Variants in LMBRD1 observed in about 807,000 individuals in gnomAD.
LMBRD1 encodes the protein lysosomal cobalamin transport escort protein LMBD1.
In LMBRD1, 64 loss-of-function variants were observed where a neutral mutation model predicts 74.8. The observed-to-expected ratio is 0.86, with a 90% CI of 0.70 to 1.05. LMBRD1 has a LOEUF of 1.05. Ranked by LOEUF, LMBRD1 falls within the 50% of genes least tolerant of loss-of-function variation. LMBRD1 has a pLI of 0.00. For synonymous variants in LMBRD1, 204 were observed against 216.3 expected, an observed-to-expected ratio of 0.94 and a Z score of 0.50; for missense variants, 652 against 645.9, an observed-to-expected ratio of 1.01 and a Z score of -0.10.
Position 69,676,477 on chromosome 6 carries a change from G to C in LMBRD1, c.1482C>G (p.Tyr494Ter). Residue 494 changes from tyrosine to a stop codon, truncating the protein, a stop_gained, in exon 15 of 16, where the codon TAC becomes TAG. Transcript: ENST00000649934. LOFTEE classifies it high-confidence loss of function. Reference protein sequence around the residue: ...LHKFWFFSAAYYFGNWAFLGV... With the variant: ...LHKFWFFSAA ...CAAGAAAGGCCCAGTTACCAAAATA[G>C]TAAGCAGCACTGAAGAACCAGAACT... 1 of 1,613,498 alleles carries C rather than the reference G, an allele frequency of 6.2e-7. No homozygotes were observed. Among genetic ancestry groups the C allele is most frequent in the Non-Finnish European group, 8.5e-7 (1 of 1,179,602 alleles).
chr6:69,767,634 A>G (rs1454222746), intron 3 of LMBRD1, among the ~76,000 whole-genome samples: 1 of 151,886 alleles, frequency 6.6e-6, no homozygotes, highest in Non-Finnish European at 1.5e-5. Flanking sequence ...TATACTGAAG[A>G]ATGTTCTCCA....
intron 7 of LMBRD1, among the ~76,000 whole-genome samples, chr6:69,720,093 C>T (rs1462985440): frequency 6.6e-6 from 1 of 152,136 alleles, no homozygotes; most frequent in Non-Finnish European, 1.5e-5. Flanking sequence ...TAATATTCTT[C>T]ACTAAATCTC....
In LMBRD1 at chr6:69,741,880, A is replaced by G. The variant is rs1767112033; in HGVS notation, c.474-3T>C. 1 of 1,548,364 alleles carries G rather than the reference A, an allele frequency of 6.5e-7. No homozygotes were observed. Among genetic ancestry groups the G allele is most frequent in the Non-Finnish European group, 8.9e-7 (1 of 1,121,908 alleles). On this transcript the variant is annotated splice_polypyrimidine_tract_variant and splice_region_variant and intron_variant, in intron 5 of 15. Coordinates refer to ENST00000649934, the MANE Select transcript of LMBRD1 (RefSeq NM_018368.4). ...GAACATTCAATGGAACAAAGGCACT[A>G]CAAAAGAGAAAATAATTGTTTTAAT...
At chr6:69,768,138 C>T (rs1251443785) in intron 3 of LMBRD1, among the ~76,000 whole-genome samples, 1 of 151,876 alleles carries the variant, frequency 6.6e-6, no homozygotes, top group Non-Finnish European at 1.5e-5. Flanking sequence ...TCCACTATGA[C>T]AATCTCATTT....
In LMBRD1 at chr6:69,760,643, T is replaced by A. The variant is rs560429883; in HGVS notation, c.308-8287A>T. Among the ~76,000 whole-genome samples the A allele has an allele frequency of 2.0e-3, 299 of 152,338 alleles. 1 individual carries two copies. Among genetic ancestry groups the A allele is most frequent in the African/African-American group, 7.0e-3 (290 of 41,580 alleles). On this transcript the variant is annotated intron_variant, in intron 3 of 15. Transcript: ENST00000649934. ...TAACCCTGCTTCTGTATTCACGACC[T>A]GTGTAATCTCAGCTTGAGTGTGGGC...
At chr6:69,689,554 C>T (rs1221562033) in intron 14 of LMBRD1, among the ~76,000 whole-genome samples, 1 of 152,046 alleles carries the variant, frequency 6.6e-6, no homozygotes, top group East Asian at 1.9e-4. Flanking sequence ...AGTCCTGAAG[C>T]AAGTCTTTTT....
At chr6:69,796,778 C>T (rs1459408851) in intron 1 of LMBRD1, 35 bp downstream of exon 1, 1 of 1,599,908 alleles carries the variant, frequency 6.3e-7, no homozygotes, top group South Asian at 1.1e-5. Flanking sequence ...CTCCCCCAGT[C>T]CAAACATGGG....
At chr6:69,681,918 G>A (rs1765671056) in intron 14 of LMBRD1, among the ~76,000 whole-genome samples, 1 of 151,910 alleles carries the variant, frequency 6.6e-6, no homozygotes, top group Non-Finnish European at 1.5e-5. Context: ...AATAACAAGA[G>A]TGGAGTACAG....
intron 3 of LMBRD1, among the ~76,000 whole-genome samples, chr6:69,763,223 A>G (rs1020928378): frequency 1.7e-5 from 2 of 118,944 alleles, no homozygotes; most frequent in Non-Finnish European, 3.6e-5. Flanking sequence ...GCTTAGAATA[A>G]AAAGAAAAAA....
In LMBRD1 at chr6:69,676,199, A is replaced by AAGG. The variant is rs1562078573; in HGVS notation, c.1581_1582insCCT (p.Asp527_Ser528insPro). The AAGG allele has an allele frequency of 5.0e-6, 8 of 1,613,490 alleles. No homozygotes were observed. In the South Asian group the frequency reaches 8.8e-5, roughly 18 times the overall value. On this transcript the variant is annotated inframe_insertion, in exon 16 of 16. Transcript: ENST00000649934. ...GAGGGCTCATCATCACTTATGTCTG[A>AAGG]ATCTTCATCTACTCCTTCAATAACC...
chr6:69,755,777 C>T (rs941721883), intron 3 of LMBRD1, among the ~76,000 whole-genome samples: 1 of 152,054 alleles, frequency 6.6e-6, no homozygotes, highest in Non-Finnish European at 1.5e-5. Context: ...GACAGCCTCA[C>T]AACAAAAACT....
chr6:69,759,459 T>TA (rs1381610522), intron 3 of LMBRD1, among the ~76,000 whole-genome samples: 1 of 150,948 alleles, frequency 6.6e-6, no homozygotes, highest in Non-Finnish European at 1.5e-5. Flanking sequence ...AAAATACATT[T>TA]AAAAAACAAA....
At chr6:69,699,290 T>C in intron 12 of LMBRD1, 98 bp from the exon 13 acceptor site, 1 of 1,063,082 alleles carries the variant, frequency 9.4e-7, no homozygotes. Context: ...CACAGTTCAA[T>C]CAACCATTAT....
In LMBRD1 at chr6:69,790,384, G is replaced by GA. The variant is rs1413603306; in HGVS notation, c.157dup (p.Ser53PhefsTer30). The GA allele has an allele frequency of 1.9e-6, 3 of 1,613,696 alleles. No homozygotes were observed. The highest frequency in any genetic ancestry group is 1.3e-5 in the African/African-American group (1 of 75,018). ...TGATGTGATAAGTGCAATTGCTAGA[G>GA]AAAAAATTGCTGTTATGGTGGAGAC... On this transcript the variant is annotated frameshift_variant, in exon 2 of 16. Coordinates refer to ENST00000649934, the MANE Select transcript of LMBRD1 (RefSeq NM_018368.4). LOFTEE classifies it high-confidence loss of function.
chr6:69,704,304 A>C (rs1766200772), intron 9 of LMBRD1, among the ~76,000 whole-genome samples: 1 of 152,010 alleles, frequency 6.6e-6, no homozygotes, highest in African/African-American at 2.4e-5. Flanking sequence ...TTTCTGTGGT[A>C]TTTGTCAAAT....
At chr6:69,782,761 G>A (rs1217476182) in intron 2 of LMBRD1, among the ~76,000 whole-genome samples, 1 of 152,134 alleles carries the variant, frequency 6.6e-6, no homozygotes, top group East Asian at 1.9e-4. Context: ...CACTGTGGGA[G>A]AGTTTCTCTC....
chr6:69,679,221 A>G (rs1040701014), intron 14 of LMBRD1, among the ~76,000 whole-genome samples: 3 of 152,160 alleles, frequency 2.0e-5, no homozygotes, highest in Non-Finnish European at 4.4e-5. Context: ...GAATATTCAC[A>G]GTTTTCTAAG....
intron 4 of LMBRD1, among the ~76,000 whole-genome samples, chr6:69,749,921 C>CTT (rs1406055987): frequency 6.5e-4 from 62 of 95,036 alleles, no homozygotes; most frequent in African/African-American, 3.9e-3. Context: ...AGTATATATA[C>CTT]ACATATACAT....
chr6:69,765,658 CTG>C (rs1447905831), intron 3 of LMBRD1, among the ~76,000 whole-genome samples: 1 of 152,062 alleles, frequency 6.6e-6, no homozygotes, highest in Non-Finnish European at 1.5e-5. Flanking sequence ...TTTTAAAAGT[CTG>C]TGTGACTTTA....
Sources: gnomAD v4.1 joint callset for allele counts (sites outside exome capture counted in the v4.1 genomes callset) on GRCh38, gnomAD v4.1.1 for gene constraint, MANE v1.5 for transcripts, NCBI Gene and HGNC (gene_info 2026-07-23, HGNC 2026-07-21) for gene names.